The following NFIC variants were observed in gnomAD, a reference collection of about 807,000 sequenced individuals.
The protein encoded by NFIC is nuclear factor 1 C-type.
A neutral mutation model predicts 54.4 loss-of-function variants in NFIC; 12 were observed. The ratio of observed to expected loss-of-function variants is 0.22; its 90% confidence interval spans 0.14 to 0.36. NFIC has a LOEUF of 0.36. NFIC is among the 10% of genes least tolerant of loss of function. The pLI is 1.00. For missense variants in NFIC, 575 were observed against 718.2 expected (o/e 0.80, Z 2.28); for synonymous variants, 322 against 319.2 (o/e 1.01, Z -0.09).
chr19:3,366,292 C>A (rs1242880647), upstream of NFIC, among the ~76,000 whole-genome samples: 1 of 150,228 alleles, frequency 6.7e-6, no homozygotes, highest in Non-Finnish European at 1.5e-5. Context: ...CTCGCTCGCG[C>A]CCTTTTTTCC....
At chr19:3,456,665 G>T in intron 10 of NFIC, 30 bp downstream of exon 10, 3 of 1,442,380 alleles carry the variant, frequency 2.1e-6, no homozygotes, top group South Asian at 2.5e-5. Context: ...CTGGTGGGGT[G>T]GGAGGGGCAG....
rs577696843 is a variant in NFIC at position 3,368,207 on chromosome 19, C to T, written c.30+1541C>T. On this transcript the variant is annotated intron_variant, in intron 1 of 10. Transcript: ENST00000443272. Reference sequence around the variant, plus strand: ...GACTGAGGTGTCCCCGCTCTGTCCTCACCAGCTGGAAGGAGCCATTTGGGA... The same window carrying T: ...GACTGAGGTGTCCCCGCTCTGTCCTTACCAGCTGGAAGGAGCCATTTGGGA... Among the ~76,000 whole-genome samples the T allele has an allele frequency of 1.6e-4, 24 of 152,328 alleles. No individual in the cohort carries two copies. In the South Asian group the frequency reaches 2.5e-3, roughly 16 times the overall value.
intron 1 of NFIC, among the ~76,000 whole-genome samples, chr19:3,368,885 C>G (rs2080944945): frequency 6.7e-6 from 1 of 150,198 alleles, no homozygotes; most frequent in African/African-American, 2.5e-5. Flanking sequence ...GTCTGTCTTT[C>G]TCTCTTTCTC....
intron 2 of NFIC, among the ~76,000 whole-genome samples, chr19:3,403,231 G>T (rs1326204354): frequency 6.6e-6 from 1 of 152,140 alleles, no homozygotes; most frequent in African/African-American, 2.4e-5. Context: ...TTGGGAAGGA[G>T]AAAGTTTCCT....
intron 1 of NFIC, among the ~76,000 whole-genome samples, chr19:3,373,438 T>TC (rs1444246721): frequency 7.3e-6 from 1 of 137,520 alleles, no homozygotes; most frequent in African/African-American, 2.8e-5. Context: ...CCTCTCTCTT[T>TC]CCCCCTTGCT....
chr19:3,407,162 G>A (rs958915958), intron 2 of NFIC, among the ~76,000 whole-genome samples: 5 of 152,152 alleles, frequency 3.3e-5, no homozygotes, highest in Non-Finnish European at 7.3e-5. Context: ...CGCCCAGGCT[G>A]GAGTGCAGTG....
chr19:3,441,106 G>A (rs559372678), intron 6 of NFIC, among the ~76,000 whole-genome samples: 2 of 152,298 alleles, frequency 1.3e-5, no homozygotes, highest in African/African-American at 4.8e-5. Context: ...CACCACACCC[G>A]GCTGGCCGCT....
At chr19:3,410,082 A>C (rs7252626) in intron 2 of NFIC, among the ~76,000 whole-genome samples, 141,911 of 151,914 alleles carry the variant, frequency 0.93, 66,300 homozygotes, top group East Asian at 0.97. Context: ...GCTCCTTTGC[A>C]CAGGCTGGAG....
intron 1 of NFIC, among the ~76,000 whole-genome samples, chr19:3,360,248 C>T (rs2080792841): frequency 6.9e-6 from 1 of 145,868 alleles, no homozygotes; most frequent in Non-Finnish European, 1.5e-5. Context: ...GCGCCTTGAA[C>T]TTGGAGCCGG....
intron 10 of NFIC, among the ~76,000 whole-genome samples, chr19:3,461,273 A>G (rs2082634726): frequency 6.7e-6 from 1 of 150,132 alleles, no homozygotes; most frequent in Middle Eastern, 3.2e-3. Flanking sequence ...AAAAAAAAAA[A>G]CTAGTCAGAT....
upstream of NFIC, among the ~76,000 whole-genome samples, chr19:3,363,024 G>A (rs1171460161): frequency 2.0e-5 from 3 of 151,860 alleles, no homozygotes; most frequent in Non-Finnish European, 4.4e-5. Flanking sequence ...ACTGTATCCA[G>A]AGGAAAAAAA....
Position 3,453,970 on chromosome 19 carries a change from G to A in NFIC, c.1423+54G>A. ...GGGGCGGATGTCCGCAGGGGGGCCTGTCCCCTCCCCAGCCCCACTGCCAGG... is the reference window on the plus strand; with the variant it reads ...GGGGCGGATGTCCGCAGGGGGGCCTATCCCCTCCCCAGCCCCACTGCCAGG... On this transcript the variant is annotated intron_variant, in intron 9 of 10. Transcript: ENST00000443272. This position sits in a 1 kb window ranked among gnomAD's most constrained non-coding sequence, Gnocchi z 6.7. The A allele has an allele frequency of 6.9e-7, 1 of 1,449,904 alleles. No homozygotes were observed. Among genetic ancestry groups the A allele is most frequent in the African/African-American group, 1.5e-5 (1 of 68,284 alleles). The allele number at this position is 1,449,904 out of a possible 1,614,324, so 89.8% of individuals were successfully genotyped here. A position where few individuals can be genotyped will look rare whatever the true frequency, so the allele number is the denominator to read the frequency against.
chr19:3,394,513 T>TCCCCCCCCCCCCCCC lies in NFIC; in HGVS notation c.562+12270_562+12271insCCCCCCCCCCCCCCC, dbSNP rs1192475558. 2.1e-3 allele frequency among the ~76,000 whole-genome samples: 19 copies of TCCCCCCCCCCCCCCC among 9,008 alleles called. 1 individual carries two copies. The highest frequency in any genetic ancestry group is 6.6e-3 in the African/African-American group (17 of 2,570). 5.9% of individuals were successfully genotyped at this position (9,008 alleles called of 152,430 possible). A position where few individuals can be genotyped will look rare whatever the true frequency, so the allele number is the denominator to read the frequency against. On this transcript the variant is annotated intron_variant, in intron 2 of 10. Transcript: ENST00000443272. ...AGTTATCGAGGTATTTTATGATCTT[T>TCCCCCCCCCCCCCCC]TCCCCACCCACCCCCCACCCGCTTA...
rs1003844975 is a variant in NFIC at position 3,375,663 on chromosome 19, G to A, written c.31-6049G>A. Among the ~76,000 whole-genome samples the A allele has an allele frequency of 2.6e-5, 4 of 152,212 alleles. No homozygotes were observed. The highest frequency in any genetic ancestry group is 5.9e-5 in the Non-Finnish European group (4 of 68,022). ...ACATTGGGGTGGGGGAGCTTCGCTG[G>A]TACAAGCTGACTCTGGTCTCACTGG... is the stretch of plus-strand genomic sequence containing the variant. On this transcript the variant is annotated intron_variant, in intron 1 of 10. Coordinates refer to ENST00000443272, the MANE Select transcript of NFIC (RefSeq NM_001245002.2). This position sits in a 1 kb window ranked among gnomAD's most constrained non-coding sequence, Gnocchi z 4.6.
intron 2 of NFIC, among the ~76,000 whole-genome samples, chr19:3,401,126 T>C (rs1167163892): frequency 1.3e-5 from 2 of 152,190 alleles, no homozygotes; most frequent in East Asian, 3.9e-4. Flanking sequence ...AGGAGGCCTG[T>C]GTGGCTGCAG....
At chr19:3,455,867 C>T (rs1029982273) in intron 9 of NFIC, among the ~76,000 whole-genome samples, 3 of 152,136 alleles carry the variant, frequency 2.0e-5, no homozygotes, top group Non-Finnish European at 2.9e-5. Context: ...TTCCCTGCAC[C>T]GGGGCTCTTA....
At chr19:3,450,654 C>CA (rs200945320) in intron 7 of NFIC, among the ~76,000 whole-genome samples, 4,326 of 150,048 alleles carry the variant, frequency 0.029, 199 homozygotes, top group African/African-American at 0.098. Flanking sequence ...GACTCCATCT[C>CA]AAAAAAAAAC....
chr19:3,373,941 G>A (rs935730255), intron 1 of NFIC, among the ~76,000 whole-genome samples: 1 of 152,202 alleles, frequency 6.6e-6, no homozygotes, highest in African/African-American at 2.4e-5. Context: ...AGCGGCCCAA[G>A]GTTAGAGCCT....
chr19:3,446,474 G>A (rs1267149347), intron 6 of NFIC, among the ~76,000 whole-genome samples: 1 of 152,238 alleles, frequency 6.6e-6, no homozygotes, highest in African/African-American at 2.4e-5. Flanking sequence ...CCCAGAGAAT[G>A]ATCCAGCCCC....
Sources: gnomAD v4.1 joint callset for allele counts (sites outside exome capture counted in the v4.1 genomes callset) on GRCh38, gnomAD v4.1.1 for gene constraint, Gnocchi (gnomAD v3.1) non-coding constraint, MANE v1.5 for transcripts, NCBI Gene and HGNC (gene_info 2026-07-23, HGNC 2026-07-21) for gene names.